SLC25A48: variants seen among roughly 807,000 people sequenced by gnomAD.
SLC25A48 encodes CTC-321K16.1.
A neutral mutation model predicts 32.2 loss-of-function variants in SLC25A48; 29 were observed. The observed-to-expected ratio is 0.90, with a 90% CI of 0.67 to 1.23. The LOEUF (loss-of-function observed/expected upper bound fraction) is 1.23. SLC25A48 is among the 50% of genes most tolerant of loss of function. SLC25A48 has a pLI of 0.00. For missense variants in SLC25A48, 399 were observed against 422.7 expected (o/e 0.94, Z 0.49); for synonymous variants, 164 against 172.3 (o/e 0.95, Z 0.38).
upstream of SLC25A48, among the ~76,000 whole-genome samples, chr5:135,834,014 G>A (rs900699223): frequency 1.3e-5 from 2 of 152,198 alleles, no homozygotes; most frequent in Non-Finnish European, 1.5e-5. Context: ...CTAGCAGAAC[G>A]CTGGGGGGCT....
At chr5:135,801,254 T>C (rs1392643425) in intron 3 of SLC25A48, among the ~76,000 whole-genome samples, 1 of 151,116 alleles carries the variant, frequency 6.6e-6, no homozygotes, top group Non-Finnish European at 1.5e-5. Flanking sequence ...GTGATATTGT[T>C]TGTAATATCC....
chr5:135,865,606 C>T (rs749114274), intron 4 of SLC25A48, among the ~76,000 whole-genome samples: 48 of 152,200 alleles, frequency 3.2e-4, no homozygotes, highest in Middle Eastern at 6.8e-3. Flanking sequence ...GCTCCATTGT[C>T]CATGGAGTAG....
chr5:135,828,136 C>T lies in SLC25A48; in HGVS notation c.-116-14280C>T, dbSNP rs116755465. ...GCCAGAGGTTTCCCATGCTGCAGAGCTCTCTAAGGGAGTAGTTTGCAGGAA... is the reference window on the plus strand; with the variant it reads ...GCCAGAGGTTTCCCATGCTGCAGAGTTCTCTAAGGGAGTAGTTTGCAGGAA... On this transcript the variant is annotated intron_variant, in intron 4 of 10. Transcript: ENST00000646290. Among the ~76,000 whole-genome samples, 343 of 152,352 alleles carry T rather than the reference C, an allele frequency of 2.3e-3. 1 individual carries two copies. Among genetic ancestry groups the T allele is most frequent in the African/African-American group, 7.9e-3 (330 of 41,586 alleles).
intron 2 of SLC25A48, among the ~76,000 whole-genome samples, chr5:135,630,385 C>T (rs1752528642): frequency 6.6e-6 from 1 of 152,114 alleles, no homozygotes. Flanking sequence ...AGAAAACTGC[C>T]ATAGCTAAGC....
At chr5:135,759,134 C>G (rs1756000235) in intron 3 of SLC25A48, among the ~76,000 whole-genome samples, 2 of 151,722 alleles carry the variant, frequency 1.3e-5, no homozygotes, top group Admixed American at 1.3e-4. Flanking sequence ...TGGATAATAT[C>G]ATTTTGTGTT....
chr5:135,870,912 TATTAA>T (rs1202205729), intron 4 of SLC25A48, among the ~76,000 whole-genome samples: 2 of 151,290 alleles, frequency 1.3e-5, no homozygotes, highest in African/African-American at 2.4e-5. Flanking sequence ...AAATTATAAA[TATTAA>T]ATTATAGATT....
intron 3 of SLC25A48, among the ~76,000 whole-genome samples, chr5:135,685,472 G>A (rs999946125): frequency 1.1e-4 from 13 of 115,730 alleles, no homozygotes; most frequent in Middle Eastern, 0.013. Context: ...TGCTCTTGTT[G>A]CCCAGGCTGT....
At chr5:135,742,587 T>C in intron 3 of SLC25A48, 1 of 1,127,528 alleles carries the variant, frequency 8.9e-7, no homozygotes, top group Non-Finnish European at 1.3e-6. Context: ...ATTTCCTCTA[T>C]AGCTGCAAAG....
chr5:135,776,157 T>A (rs1390679981), intron 3 of SLC25A48, among the ~76,000 whole-genome samples: 1 of 151,702 alleles, frequency 6.6e-6, no homozygotes, highest in African/African-American at 2.4e-5. Flanking sequence ...TCGTAGGGAT[T>A]GTACACCTCA....
chr5:135,728,877 C>A (rs1561466211), intron 3 of SLC25A48, among the ~76,000 whole-genome samples: 1 of 149,906 alleles, frequency 6.7e-6, no homozygotes, highest in Admixed American at 6.6e-5. Flanking sequence ...CACACACACA[C>A]ACACACATAC....
At chr5:135,677,510 T>A (rs781765481) in intron 3 of SLC25A48, among the ~76,000 whole-genome samples, 3 of 152,158 alleles carry the variant, frequency 2.0e-5, no homozygotes, top group Non-Finnish European at 4.4e-5. Flanking sequence ...GTATTTTTAT[T>A]CCTTTCTTTT....
chr5:135,763,764 TACAC>T (rs56030521), intron 3 of SLC25A48, among the ~76,000 whole-genome samples: 6 of 125,728 alleles, frequency 4.8e-5, no homozygotes, highest in Non-Finnish European at 7.2e-5. Context: ...AACACACACA[TACAC>T]ACACACACAC....
intron 3 of SLC25A48, among the ~76,000 whole-genome samples, chr5:135,694,563 T>G (rs900228241): frequency 6.6e-6 from 1 of 152,074 alleles, no homozygotes; most frequent in African/African-American, 2.4e-5. Flanking sequence ...GAAGCCACAT[T>G]GATTATTTTA....
intron 1 of SLC25A48, among the ~76,000 whole-genome samples, chr5:135,836,843 A>G (rs1758549368): frequency 6.6e-6 from 1 of 152,172 alleles, no homozygotes; most frequent in African/African-American, 2.4e-5. Context: ...TGCATCTAGC[A>G]TTGGCACCAG....
chr5:135,676,482 A>G (rs945089358), intron 3 of SLC25A48, among the ~76,000 whole-genome samples: 4 of 151,508 alleles, frequency 2.6e-5, no homozygotes, highest in Non-Finnish European at 5.9e-5. Context: ...TCTGATCTTT[A>G]TTATATCTCC....
chr5:135,886,279 G>A (rs2126848432), intron 7 of SLC25A48, among the ~76,000 whole-genome samples: 1 of 151,846 alleles, frequency 6.6e-6, no homozygotes, highest in South Asian at 2.1e-4. Flanking sequence ...GCCCAGCTCT[G>A]AGTAACAGCC....
At chr5:135,587,454 A>G (rs1237328379) in intron 1 of SLC25A48, among the ~76,000 whole-genome samples, 1 of 152,218 alleles carries the variant, frequency 6.6e-6, no homozygotes, top group Non-Finnish European at 1.5e-5. Flanking sequence ...AGTGTTTGTG[A>G]TATTGGTGTT....
intron 1 of SLC25A48, among the ~76,000 whole-genome samples, chr5:135,609,955 G>A (rs917595299): frequency 2.0e-5 from 3 of 152,126 alleles, no homozygotes; most frequent in Admixed American, 6.5e-5. Flanking sequence ...TTTAAACCAC[G>A]TGCATATGCT....
intron 1 of SLC25A48, among the ~76,000 whole-genome samples, chr5:135,840,133 T>C (rs1402998183): frequency 2.0e-5 from 3 of 152,194 alleles, no homozygotes; most frequent in African/African-American, 4.8e-5. Flanking sequence ...TTTTTTTCTG[T>C]GAAAAGGTAC....
Sources: gnomAD v4.1 joint callset for allele counts (sites outside exome capture counted in the v4.1 genomes callset) on GRCh38, gnomAD v4.1.1 for gene constraint, MANE v1.5 for transcripts, NCBI Gene and HGNC (gene_info 2026-07-23, HGNC 2026-07-21) for gene names.